Variants in CDC73 observed in about 807,000 individuals in gnomAD.
The protein encoded by CDC73 is cell division cycle 73, also known as parafibromin.
Under a neutral mutation model 83.7 loss-of-function variants are expected in CDC73, and 21 were observed. That is an observed-to-expected ratio of 0.25 (90% confidence interval 0.18 to 0.36). The LOEUF (loss-of-function observed/expected upper bound fraction) is 0.36, where lower values mean the gene tolerates loss of function less well. Ranked by LOEUF, CDC73 falls within the 10% of genes least tolerant of loss-of-function variation. The probability of loss-of-function intolerance (pLI) is 1.00; values close to 1 mark genes in which losing one functional copy is unlikely to be tolerated. For synonymous variants in CDC73, 224 were observed against 212.9 expected (o/e 1.05, Z -0.45); for missense variants, 342 against 653.3 (o/e 0.52, Z 5.19).
chr1:193,181,265 T>A, intron 10 of CDC73: 1 of 1,614,064 alleles, frequency 6.2e-7, no homozygotes, highest in Non-Finnish European at 8.5e-7. Flanking sequence ...TCTGTGTTAT[T>A]AGAGTTAGTT....
At chr1:193,223,240 T>C (rs1396111935) in intron 13 of CDC73, among the ~76,000 whole-genome samples, 1 of 152,130 alleles carries the variant, frequency 6.6e-6, no homozygotes, top group African/African-American at 2.4e-5. Flanking sequence ...TTTATTTTTT[T>C]TTTATTTTGT....
At position 193,254,648 on chromosome 1, in the gene CDC73, T is replaced by G. The variant is rs1399920138; in HGVS notation, c.*3936T>G. On this transcript the variant is annotated 3_prime_UTR_variant, in exon 17 of 17. Coordinates refer to ENST00000367435, the MANE Select transcript of CDC73 (RefSeq NM_024529.5). ...TATTTAGTTAGTATATAATAGATAATACTTGCAGGTTTTTTATGTGTTTTG... is the reference window on the plus strand; with the variant it reads ...TATTTAGTTAGTATATAATAGATAAGACTTGCAGGTTTTTTATGTGTTTTG... 6.6e-6 allele frequency among the ~76,000 whole-genome samples: 1 copy of G among 152,198 alleles called. No individual in the cohort carries two copies. Among genetic ancestry groups the G allele is most frequent in the Non-Finnish European group, 1.5e-5 (1 of 68,016 alleles).
chr1:193,196,501 A>G (rs1401895548), intron 10 of CDC73, among the ~76,000 whole-genome samples: 1 of 152,086 alleles, frequency 6.6e-6, no homozygotes, highest in African/African-American at 2.4e-5. Flanking sequence ...GAGTTTTTCT[A>G]TTTCTGCAAA....
intron 10 of CDC73, among the ~76,000 whole-genome samples, chr1:193,164,720 A>G (rs868311787): frequency 2.0e-5 from 3 of 152,188 alleles, no homozygotes; most frequent in Middle Eastern, 3.4e-3. Context: ...TTGATTTGCC[A>G]TTGTGATTTC....
intron 10 of CDC73, among the ~76,000 whole-genome samples, chr1:193,182,216 C>A (rs1272289475): frequency 6.6e-6 from 1 of 151,922 alleles, no homozygotes; most frequent in Non-Finnish European, 1.5e-5. Context: ...TTCCATTGGC[C>A]CCTACTGTGT....
chr1:193,131,197 C>T (rs185457077), intron 3 of CDC73, among the ~76,000 whole-genome samples: 2 of 152,178 alleles, frequency 1.3e-5, no homozygotes, highest in East Asian at 1.9e-4. Flanking sequence ...CTGATTCCCT[C>T]TTTCCCTTCT....
At chr1:193,148,005 T>G in intron 8 of CDC73, 40 bp downstream of exon 8, 1 of 1,312,926 alleles carries the variant, frequency 7.6e-7, no homozygotes, top group Non-Finnish European at 1.1e-6. Context: ...TTTAATGAAG[T>G]TGCCACTTAT....
chr1:193,248,778 G>A (rs532399532), intron 15 of CDC73, among the ~76,000 whole-genome samples: 7 of 152,146 alleles, frequency 4.6e-5, no homozygotes, highest in Non-Finnish European at 8.8e-5. Context: ...TAGAAGTGGA[G>A]CTTGAAGATG....
intron 6 of CDC73, among the ~76,000 whole-genome samples, chr1:193,140,112 A>G (rs914006046): frequency 7.2e-5 from 11 of 152,146 alleles, no homozygotes; most frequent in Non-Finnish European, 1.6e-4. Context: ...TCAGCTCTAC[A>G]TGGGTTCTCC....
At chr1:193,170,064 T>C (rs1676494714) in intron 10 of CDC73, among the ~76,000 whole-genome samples, 1 of 152,168 alleles carries the variant, frequency 6.6e-6, no homozygotes, top group Non-Finnish European at 1.5e-5. Flanking sequence ...TTTTTTTTCC[T>C]GTGTTAGTTT....
At chr1:193,201,548 C>G (rs1434143014) in intron 10 of CDC73, among the ~76,000 whole-genome samples, 2 of 151,986 alleles carry the variant, frequency 1.3e-5, no homozygotes, top group Non-Finnish European at 2.9e-5. Flanking sequence ...TTGATGTAGT[C>G]TAGGATATAA....
intron 5 of CDC73, chr1:193,136,408 A>AT: frequency 4.9e-6 from 1 of 203,440 alleles, no homozygotes; most frequent in Non-Finnish European, 1.2e-5. Context: ...TGGATCTGAT[A>AT]TTTTTAAGAG....
rs1276874854 is a variant in CDC73 at position 193,143,566 on chromosome 1, A to T, written c.729+1500A>T. 2.6e-5 allele frequency among the ~76,000 whole-genome samples: 4 copies of T among 152,332 alleles called. No individual in the cohort carries two copies. The East Asian group carries it at 5.8e-4, about 22-fold the overall frequency. On this transcript the variant is annotated intron_variant, in intron 7 of 16. Transcript: ENST00000367435. ...GTACCACTATATCTTTTAAAAAAAT[A>T]AGTTAATAAAAGAATTGTTTTGTAG...
rs1471717399 is a variant in CDC73 at position 193,187,731 on chromosome 1, TA to T, written c.973-16056del. 4.6e-5 allele frequency among the ~76,000 whole-genome samples: 7 copies of T among 151,890 alleles called. No individual in the cohort carries two copies. The East Asian group carries it at 9.6e-4, about 21-fold the overall frequency. ...AATATGAATTTGTTTTCTCTGATAT[TA>T]AAAAAAATTTTGTCCACATATTTTT... On this transcript the variant is annotated intron_variant, in intron 10 of 16. Transcript: ENST00000367435.
rs1675542758 is a variant in CDC73, at chr1:193,125,172, T to C, written c.192T>C (p.Leu64=). 1 of 1,610,612 alleles carries C rather than the reference T, an allele frequency of 6.2e-7. No homozygotes were observed. The highest frequency in any genetic ancestry group is 8.5e-7 in the Non-Finnish European group (1 of 1,176,710). ...CATTGGATTCCATTTTATTTCTACT[T>C]AATAACGTGCACCTTTCTCATCCTG... ...YYTLDSILFL[L]NNVHLSHPVY... Residue 64 remains leucine, a synonymous_variant, in exon 2 of 17, where the codon CTT becomes CTC. Coordinates refer to ENST00000367435, the MANE Select transcript of CDC73 (RefSeq NM_024529.5).
rs1060500017 is a variant in CDC73 at position 193,130,232 on chromosome 1, A to G, written c.296A>G (p.Asn99Ser). ...PDRKDLLGYL[N>S]GEASTSASID... ...CGAAAAGATCTACTTGGATATCTCA[A>G]TGGTGAAGCGTGTGAGTACTTTTTA... The change falls in exon 3 of 17, where the codon AAT becomes AGT. Residue 99 changes from asparagine to serine, a missense_variant. This residue lies in a region of CDC73 where 99 missense variants were observed against 174.5 expected (regional missense o/e 0.57). Transcript: ENST00000367435. 2 of 1,596,106 alleles carry G rather than the reference A, an allele frequency of 1.3e-6. No individual in the cohort carries two copies. The highest frequency in any genetic ancestry group is 1.3e-5 in the African/African-American group (1 of 74,718).
At chr1:193,227,457 A>C (rs1677584565) in intron 13 of CDC73, among the ~76,000 whole-genome samples, 1 of 151,950 alleles carries the variant, frequency 6.6e-6, no homozygotes. Context: ...TAGGCACTAC[A>C]GCAAGACCTC....
chr1:193,226,411 A>G lies in CDC73; in HGVS notation c.1155-6582A>G, dbSNP rs118144058. Among the ~76,000 whole-genome samples, 62 of 152,246 alleles carry G rather than the reference A, an allele frequency of 4.1e-4. No homozygotes were observed. In the East Asian group the frequency reaches 9.3e-3, roughly 23 times the overall value. ...TGTCTTGTTCCAGTTTTCAGACAGAACGCTTTAAACTTTTCCCCATTCAGA... is the reference window on the plus strand; with the variant it reads ...TGTCTTGTTCCAGTTTTCAGACAGAGCGCTTTAAACTTTTCCCCATTCAGA... On this transcript the variant is annotated intron_variant, in intron 13 of 16. Transcript: ENST00000367435.
intron 13 of CDC73, among the ~76,000 whole-genome samples, chr1:193,223,900 A>G (rs1321665095): frequency 6.7e-6 from 1 of 149,510 alleles, no homozygotes; most frequent in Non-Finnish European, 1.5e-5. Context: ...ATAGACCCAC[A>G]TATTTTGAGG....
Sources: gnomAD v4.1 joint callset for allele counts (sites outside exome capture counted in the v4.1 genomes callset) on GRCh38, gnomAD v4.1.1 for gene constraint, gnomAD v4.1.1 regional missense constraint, MANE v1.5 for transcripts, NCBI Gene and HGNC (gene_info 2026-07-23, HGNC 2026-07-21) for gene names.